ERBB4: variants seen among roughly 807,000 people sequenced by gnomAD.
ERBB4 encodes erb-b2 receptor tyrosine kinase 4, also known as receptor tyrosine-protein kinase erbB-4.
A neutral mutation model predicts 158.0 loss-of-function variants in ERBB4; 42 were observed. The ratio of observed to expected loss-of-function variants is 0.27; its 90% confidence interval spans 0.21 to 0.34. The LOEUF is 0.34. Among genes scored for constraint, ERBB4 ranks in the 10% least tolerant of loss-of-function variants. ERBB4 has a pLI of 1.00. For missense variants in ERBB4, 1,333 were observed against 1,624.1 expected, an observed-to-expected ratio of 0.82 and a Z score of 3.08; for synonymous variants, 583 against 558.7, an observed-to-expected ratio of 1.04 and a Z score of -0.61.
intron 1 of ERBB4, among the ~76,000 whole-genome samples, chr2:212,213,063 C>T (rs576509279): frequency 6.6e-6 from 1 of 152,144 alleles, no homozygotes; most frequent in South Asian, 2.1e-4. Context: ...CCAAAATTGA[C>T]AAATGGGATC....
chr2:211,399,737 A>G (rs1477908958), intron 25 of ERBB4, among the ~76,000 whole-genome samples: 1 of 152,178 alleles, frequency 6.6e-6, no homozygotes, highest in African/African-American at 2.4e-5. Flanking sequence ...TATCACTAGT[A>G]TGACAACATT....
At chr2:212,395,216 A>G (rs746503448) in intron 1 of ERBB4, among the ~76,000 whole-genome samples, 4 of 152,142 alleles carry the variant, frequency 2.6e-5, no homozygotes, top group Non-Finnish European at 5.9e-5. Flanking sequence ...AAGTCAAGGT[A>G]GAATCCTCGC....
At chr2:212,327,660 G>A (rs921092182) in intron 1 of ERBB4, among the ~76,000 whole-genome samples, 1 of 151,596 alleles carries the variant, frequency 6.6e-6, no homozygotes. Flanking sequence ...CTGCAAGTGG[G>A]CACAAGGGAT....
At chr2:211,772,830 T>TACACAC (rs1304326378) in intron 4 of ERBB4, among the ~76,000 whole-genome samples, 2 of 12,290 alleles carry the variant, frequency 1.6e-4, no homozygotes, top group East Asian at 7.5e-4. Context: ...TATATATATA[T>TACACAC]ATATACACAT....
At chr2:212,314,186 G>A (rs1241834927) in intron 1 of ERBB4, among the ~76,000 whole-genome samples, 1 of 151,072 alleles carries the variant, frequency 6.6e-6, no homozygotes, top group Non-Finnish European at 1.5e-5. Context: ...GATCAGTTTT[G>A]CCAAAAATAT....
chr2:211,420,698 T>C (rs1245004897), intron 24 of ERBB4, 87 bp from the exon 25 acceptor site: 4 of 1,173,974 alleles, frequency 3.4e-6, no homozygotes, highest in African/African-American at 3.1e-5. Context: ...TGTAATATCA[T>C]AACAAATGGT....
chr2:211,722,582 C>A, intron 6 of ERBB4, 48 bp from the exon 7 acceptor site: 1 of 1,586,550 alleles, frequency 6.3e-7, no homozygotes, highest in South Asian at 1.1e-5. Context: ...ACTCATAATA[C>A]TTGTTAATGA....
intron 2 of ERBB4, among the ~76,000 whole-genome samples, chr2:212,084,248 GA>G (rs1245072820): frequency 1.3e-5 from 2 of 151,878 alleles, no homozygotes; most frequent in Non-Finnish European, 2.9e-5. Flanking sequence ...AAATTAGCGG[GA>G]ATTCAGAGCA....
At chr2:211,629,277 G>A (rs2070000184) in intron 17 of ERBB4, among the ~76,000 whole-genome samples, 1 of 152,090 alleles carries the variant, frequency 6.6e-6, no homozygotes, top group Non-Finnish European at 1.5e-5. Flanking sequence ...GCCAAATCAT[G>A]AGGGAACTCC....
At chr2:211,666,179 T>C (rs1311065285) in intron 14 of ERBB4, among the ~76,000 whole-genome samples, 1 of 152,180 alleles carries the variant, frequency 6.6e-6, no homozygotes, top group Non-Finnish European at 1.5e-5. Flanking sequence ...ACACTAAAAG[T>C]CATATTATGT....
intron 1 of ERBB4, among the ~76,000 whole-genome samples, chr2:212,149,595 T>C (rs906969077): frequency 6.6e-6 from 1 of 152,230 alleles, no homozygotes; most frequent in Non-Finnish European, 1.5e-5. Flanking sequence ...AATATGGTCT[T>C]ATTTTTAATG....
intron 20 of ERBB4, among the ~76,000 whole-genome samples, chr2:211,488,961 G>A (rs1383099639): frequency 6.6e-6 from 1 of 152,020 alleles, no homozygotes; most frequent in Non-Finnish European, 1.5e-5. Flanking sequence ...TCTCCAATGT[G>A]CTCTCTAATC....
At chr2:211,390,498 TG>T in intron 25 of ERBB4, among the ~76,000 whole-genome samples, 1 of 152,356 alleles carries the variant, frequency 6.6e-6, no homozygotes, top group East Asian at 1.9e-4. Context: ...AAATGAGTAT[TG>T]ATTGCACATT....
intron 2 of ERBB4, among the ~76,000 whole-genome samples, chr2:212,102,012 G>A (rs190513751): frequency 1.3e-5 from 2 of 148,760 alleles, no homozygotes; most frequent in Admixed American, 1.4e-4. Context: ...AGTTAATTAT[G>A]TGGGTAGAAC....
chr2:211,801,227 T>C (rs992143242), intron 3 of ERBB4, among the ~76,000 whole-genome samples: 3 of 152,132 alleles, frequency 2.0e-5, no homozygotes, highest in Non-Finnish European at 2.9e-5. Context: ...TAAAGGTAAA[T>C]TGGATTCATA....
At chr2:211,788,440 G>A (rs948563484) in intron 3 of ERBB4, among the ~76,000 whole-genome samples, 1 of 151,818 alleles carries the variant, frequency 6.6e-6, no homozygotes, top group Non-Finnish European at 1.5e-5. Context: ...TCTTTTATCT[G>A]TTTTCTTCCC....
chr2:211,670,335 T>C (rs779344834), intron 14 of ERBB4, among the ~76,000 whole-genome samples: 19 of 152,204 alleles, frequency 1.2e-4, no homozygotes, highest in South Asian at 2.1e-4. Context: ...GCACCGTTAC[T>C]GAAAGATGTC....
intron 1 of ERBB4, among the ~76,000 whole-genome samples, chr2:212,228,238 T>C (rs890323470): frequency 2.0e-5 from 3 of 152,156 alleles, no homozygotes; most frequent in African/African-American, 7.2e-5. Context: ...GATAATCATC[T>C]AAAAACTTCT....
chr2:212,059,260 A>G (rs1034924797), intron 2 of ERBB4, among the ~76,000 whole-genome samples: 2 of 152,172 alleles, frequency 1.3e-5, no homozygotes, highest in Non-Finnish European at 2.9e-5. Flanking sequence ...CTTCAAGGAG[A>G]ACAACAAACC....
Sources: gnomAD v4.1 joint callset for allele counts (sites outside exome capture counted in the v4.1 genomes callset) on GRCh38, gnomAD v4.1.1 for gene constraint, MANE v1.5 for transcripts, NCBI Gene and HGNC (gene_info 2026-07-23, HGNC 2026-07-21) for gene names.